The following MYO10 variants were observed in gnomAD, a reference collection of about 807,000 sequenced individuals.
The protein encoded by MYO10 is myosin X, also known as unconventional myosin-X.
A neutral mutation model predicts 257.3 loss-of-function variants in MYO10; 133 were observed. The ratio of observed to expected loss-of-function variants is 0.52; its 90% CI spans 0.45 to 0.60. The LOEUF (loss-of-function observed/expected upper bound fraction) is 0.60, where lower values mean the gene tolerates loss of function less well. MYO10 is among the 20% of genes least tolerant of loss of function. The pLI is 0.00. For synonymous variants in MYO10, 1,104 were observed against 1,028.6 expected, an observed-to-expected ratio of 1.07 and a Z score of -1.40; for missense variants, 2,399 against 2,635.7, an observed-to-expected ratio of 0.91 and a Z score of 1.97.
At chr5:16,864,832 C>T (rs16869186) in intron 2 of MYO10, among the ~76,000 whole-genome samples, 10,552 of 152,178 alleles carry the variant, frequency 0.069, 473 homozygotes, top group African/African-American at 0.12. Context: ...GTCAGAACCA[C>T]GTGGCTTCCA....
chr5:16,927,906 G>A (rs753500197), intron 1 of MYO10, among the ~76,000 whole-genome samples: 3 of 152,130 alleles, frequency 2.0e-5, no homozygotes, highest in Non-Finnish European at 4.4e-5. Context: ...CTCTTAGCAA[G>A]GCAGCAAAAT....
In MYO10 at chr5:16,685,003, G is replaced by A. The variant is rs139468481; in HGVS notation, c.3990+735C>T. Among the ~76,000 whole-genome samples the A allele has an allele frequency of 2.3e-3, 352 of 151,616 alleles. 1 individual carries two copies. The highest frequency in any genetic ancestry group is 8.0e-3 in the African/African-American group (331 of 41,326). On this transcript the variant is annotated intron_variant, in intron 29 of 40. Transcript: ENST00000513610. ...GGAGGTTGCAGTGAACTGAGATCTC[G>A]CCACTGCACTTCAGCCTGGGTGACA...
chr5:16,822,150 G>A (rs1255795353), intron 2 of MYO10, among the ~76,000 whole-genome samples: 1 of 152,104 alleles, frequency 6.6e-6, no homozygotes, highest in Admixed American at 6.5e-5. Flanking sequence ...GAGAGCATCA[G>A]GAAGAATAGC....
chr5:16,894,297 T>C (rs1055653039), intron 1 of MYO10, among the ~76,000 whole-genome samples: 1 of 152,164 alleles, frequency 6.6e-6, no homozygotes, highest in Admixed American at 6.5e-5. Context: ...GAAATGCTGG[T>C]CAGGTATTCT....
intron 19 of MYO10, among the ~76,000 whole-genome samples, chr5:16,740,351 G>T (rs1739972914): frequency 6.6e-6 from 1 of 151,882 alleles, no homozygotes; most frequent in Non-Finnish European, 1.5e-5. Context: ...TGCTTAGAGG[G>T]GAAAAAAAAA....
intron 19 of MYO10, among the ~76,000 whole-genome samples, chr5:16,748,163 AG>A (rs1459467650): frequency 6.6e-6 from 1 of 151,970 alleles, no homozygotes; most frequent in African/African-American, 2.4e-5. Context: ...TTGACCTCCC[AG>A]GCTCGGATGA....
chr5:16,733,800 G>A lies in MYO10; in HGVS notation c.1929+21028C>T, dbSNP rs117844123. ...CAAAGGCCAGGTTATTCCCATCCCCGGGCCTCTTCAGGACTCTCCAGGCTG... is the reference window on the plus strand; with the variant it reads ...CAAAGGCCAGGTTATTCCCATCCCCAGGCCTCTTCAGGACTCTCCAGGCTG... On this transcript the variant is annotated intron_variant, in intron 19 of 40. Coordinates refer to ENST00000513610, the MANE Select transcript of MYO10 (RefSeq NM_012334.3). Among the ~76,000 whole-genome samples, 82 of 152,252 alleles carry A rather than the reference G, an allele frequency of 5.4e-4. 1 individual carries two copies. In the East Asian group the frequency reaches 0.014, roughly 26 times the overall value.
chr5:16,882,428 A>G (rs971460109), intron 1 of MYO10, among the ~76,000 whole-genome samples: 1 of 152,160 alleles, frequency 6.6e-6, no homozygotes, highest in African/African-American at 2.4e-5. Context: ...TACTCAAAAA[A>G]AAATTTTTTT....
rs1741391570 is a variant in MYO10 at position 16,780,512 on chromosome 5, C to T, written c.826+12G>A. 5.8e-6 allele frequency: 9 copies of T among 1,557,970 alleles called. No homozygotes were observed. The East Asian group carries it at 6.9e-5, about 12-fold the overall frequency. On this transcript the variant is annotated intron_variant, in intron 8 of 40. Transcript: ENST00000513610. Reference sequence around the variant, plus strand: ...TTGCTAGTCCACATTATCCAGCTGTCGTCCCACTCACCTCTTTCTTCATGT... The same window carrying T: ...TTGCTAGTCCACATTATCCAGCTGTTGTCCCACTCACCTCTTTCTTCATGT...
chr5:16,817,121 G>A (rs1302030352), intron 3 of MYO10, among the ~76,000 whole-genome samples: 2 of 152,104 alleles, frequency 1.3e-5, no homozygotes, highest in Admixed American at 6.5e-5. Context: ...CCTGGCAAAG[G>A]CTAATTTATT....
chr5:16,724,368 C>T (rs537459681), intron 19 of MYO10, among the ~76,000 whole-genome samples: 7 of 152,112 alleles, frequency 4.6e-5, no homozygotes, highest in East Asian at 1.9e-4. Flanking sequence ...ACTGTTGGAG[C>T]GAGAATTTTG....
intron 19 of MYO10, among the ~76,000 whole-genome samples, chr5:16,726,463 C>A (rs1739370480): frequency 6.6e-6 from 1 of 152,082 alleles, no homozygotes; most frequent in Non-Finnish European, 1.5e-5. Flanking sequence ...TATTGTCATC[C>A]CCATTCTACA....
At chr5:16,734,621 A>G (rs923670475) in intron 19 of MYO10, among the ~76,000 whole-genome samples, 2 of 152,136 alleles carry the variant, frequency 1.3e-5, no homozygotes, top group Non-Finnish European at 2.9e-5. Flanking sequence ...CCTGGCCAAC[A>G]TGGTGAAACC....
rs763231194 is a variant in MYO10 at position 16,780,578 on chromosome 5, T to C, written c.772A>G (p.Arg258Gly). 1.8e-5 allele frequency: 28 copies of C among 1,582,112 alleles called. No homozygotes were observed. Among genetic ancestry groups the C allele is most frequent in the Non-Finnish European group, 1.7e-6 (2 of 1,162,362 alleles). ...NRVVRQNPGE[R>G]NYHIFYALLA... is the part of the protein sequence containing the mutation. ...AGTGCATAAAATATGTGATAATTCC[T>C]TTCCCCGGGATTTTGCCTTACTACT... The change falls in exon 8 of 41, where the codon AGG (arginine) becomes GGG (glycine). Residue 258 changes from arginine to glycine, a missense_variant. Physicochemically the swap from Arg to Gly is moderately radical, Grantham distance 125. Transcript: ENST00000513610.
At chr5:16,779,778 G>T (rs1031642981) in intron 8 of MYO10, 130 bp from the exon 9 acceptor site, 1 of 527,906 alleles carries the variant, frequency 1.9e-6, no homozygotes, top group African/African-American at 2.0e-5. Flanking sequence ...AGATAATAAA[G>T]TTCCCTCTTA....
intron 39 of MYO10, among the ~76,000 whole-genome samples, chr5:16,669,215 CTTT>C (rs1346503448): frequency 2.5e-5 from 1 of 40,292 alleles, no homozygotes; most frequent in Admixed American, 3.7e-4. Context: ...CAGTAGCTTT[CTTT>C]TTTCTTTTTT....
At chr5:16,733,494 C>A (rs141485769) in intron 19 of MYO10, among the ~76,000 whole-genome samples, 1 of 152,062 alleles carries the variant, frequency 6.6e-6, no homozygotes, top group Non-Finnish European at 1.5e-5. Context: ...TGCTCAGTGC[C>A]GTCTGCTCTG....
intron 1 of MYO10, among the ~76,000 whole-genome samples, chr5:16,895,982 C>T (rs977743730): frequency 5.3e-5 from 8 of 152,284 alleles, no homozygotes; most frequent in East Asian, 1.9e-4. Context: ...GCTCCTCAAC[C>T]GGACTGCAGA....
At chr5:16,863,580 A>C (rs1470541604) in intron 2 of MYO10, among the ~76,000 whole-genome samples, 2 of 152,222 alleles carry the variant, frequency 1.3e-5, no homozygotes, top group Non-Finnish European at 2.9e-5. Flanking sequence ...TGGTTTCAAT[A>C]TGACTGTTGA....
Sources: gnomAD v4.1 joint callset for allele counts (sites outside exome capture counted in the v4.1 genomes callset) on GRCh38, gnomAD v4.1.1 for gene constraint, MANE v1.5 for transcripts, NCBI Gene and HGNC (gene_info 2026-07-23, HGNC 2026-07-21) for gene names.